The following LRFN5 variants were observed in gnomAD, a reference collection of about 807,000 sequenced individuals.
LRFN5 encodes the protein leucine rich repeat and fibronectin type III domain containing 5, also known as leucine-rich repeat and fibronectin type-III domain-containing protein 5.
A neutral mutation model predicts 45.6 loss-of-function variants in LRFN5; 24 were observed. The ratio of observed to expected loss-of-function variants is 0.53; its 90% CI spans 0.38 to 0.74. LRFN5 has a LOEUF of 0.74. Among genes scored for constraint, LRFN5 ranks in the 30% least tolerant of loss-of-function variants. The probability of loss-of-function intolerance (pLI) is 0.00; values close to 1 mark genes in which losing one functional copy is unlikely to be tolerated. For missense variants in LRFN5, 776 were observed against 861.5 expected (o/e 0.90, Z 1.24); for synonymous variants, 340 against 313.8 (o/e 1.08, Z -0.88).
chr14:41,890,095 C>T (rs2415693), intron 3 of LRFN5, among the ~76,000 whole-genome samples: 35,523 of 152,020 alleles, frequency 0.23, 5,034 homozygotes, highest in Middle Eastern at 0.38. Flanking sequence ...AACTCCTGAC[C>T]TCAGTTGATC....
At chr14:41,773,958 G>C (rs1886184804) in intron 2 of LRFN5, among the ~76,000 whole-genome samples, 1 of 152,176 alleles carries the variant, frequency 6.6e-6, no homozygotes, top group Non-Finnish European at 1.5e-5. Context: ...GGCAGTACTT[G>C]ATATAGAGGA....
intron 2 of LRFN5, among the ~76,000 whole-genome samples, chr14:41,854,259 T>A (rs1265677164): frequency 1.3e-5 from 2 of 152,154 alleles, no homozygotes; most frequent in Non-Finnish European, 1.5e-5. Context: ...AGAATTATGG[T>A]TTCCAGCTTC....
At chr14:41,730,878 G>A (rs1487048917) in intron 1 of LRFN5, among the ~76,000 whole-genome samples, 2 of 151,762 alleles carry the variant, frequency 1.3e-5, no homozygotes, top group African/African-American at 4.8e-5. Flanking sequence ...TCCGATCATT[G>A]GTAATGTCTT....
At chr14:41,879,592 T>C (rs1890303431) in intron 2 of LRFN5, among the ~76,000 whole-genome samples, 1 of 151,350 alleles carries the variant, frequency 6.6e-6, no homozygotes, top group Non-Finnish European at 1.5e-5. Flanking sequence ...ACTGATATGC[T>C]ATATATTTAT....
At chr14:41,692,662 G>A (rs1391756529) in intron 1 of LRFN5, among the ~76,000 whole-genome samples, 4 of 152,120 alleles carry the variant, frequency 2.6e-5, no homozygotes, top group Middle Eastern at 3.4e-3. Flanking sequence ...GAGAACATGC[G>A]GTGTTTGGTT....
intron 1 of LRFN5, among the ~76,000 whole-genome samples, chr14:41,646,384 G>T (rs1485159299): frequency 6.6e-6 from 1 of 152,040 alleles, no homozygotes; most frequent in Non-Finnish European, 1.5e-5. Context: ...TTCAGCTCCT[G>T]GTACTATCCT....
chr14:41,779,879 G>A (rs1244106803), intron 2 of LRFN5, among the ~76,000 whole-genome samples: 1 of 151,700 alleles, frequency 6.6e-6, no homozygotes, highest in African/African-American at 2.4e-5. Flanking sequence ...TGGTTAGTCT[G>A]GCTAGAAGTT....
At chr14:41,771,473 G>T (rs75403526) in intron 2 of LRFN5, among the ~76,000 whole-genome samples, 1,928 of 151,884 alleles carry the variant, frequency 0.013, 11 homozygotes, top group Middle Eastern at 0.034. Context: ...TCATTTATTT[G>T]CTCCTGTATA....
chr14:41,668,183 C>T (rs1880996711), intron 1 of LRFN5, among the ~76,000 whole-genome samples: 1 of 151,842 alleles, frequency 6.6e-6, no homozygotes. Context: ...AATATTACTG[C>T]AGTTTGCATC....
chr14:41,633,761 A>T (rs966348974), intron 1 of LRFN5, among the ~76,000 whole-genome samples: 1 of 152,180 alleles, frequency 6.6e-6, no homozygotes, highest in Non-Finnish European at 1.5e-5. Context: ...AGAAAATTTT[A>T]AAAAACAGTA....
intron 2 of LRFN5, among the ~76,000 whole-genome samples, chr14:41,817,130 G>A (rs1217584371): frequency 6.7e-6 from 1 of 149,882 alleles, no homozygotes; most frequent in Non-Finnish European, 1.5e-5. Flanking sequence ...ATTTATGTTT[G>A]TTTCTTTATT....
intron 1 of LRFN5, among the ~76,000 whole-genome samples, chr14:41,765,364 A>G (rs919677242): frequency 3.3e-5 from 5 of 151,990 alleles, no homozygotes; most frequent in African/African-American, 1.2e-4. Flanking sequence ...GGAAAAAAAA[A>G]AAAAAAAAAC....
chr14:41,807,516 A>T (rs1176869470), intron 2 of LRFN5, among the ~76,000 whole-genome samples: 1 of 152,124 alleles, frequency 6.6e-6, no homozygotes, highest in Non-Finnish European at 1.5e-5. Flanking sequence ...TTTCATACAC[A>T]TCTACTGAAT....
intron 1 of LRFN5, among the ~76,000 whole-genome samples, chr14:41,735,264 A>G (rs1884374507): frequency 6.6e-6 from 1 of 151,546 alleles, no homozygotes; most frequent in Non-Finnish European, 1.5e-5. Context: ...CTTTATTTTT[A>G]TTTTTATTTT....
At chr14:41,863,616 G>A (rs987664537) in intron 2 of LRFN5, among the ~76,000 whole-genome samples, 12 of 152,132 alleles carry the variant, frequency 7.9e-5, no homozygotes, top group Non-Finnish European at 1.2e-4. Context: ...TAATTGCACT[G>A]CAGTATAAAT....
intron 1 of LRFN5, among the ~76,000 whole-genome samples, chr14:41,646,479 A>G (rs1184787215): frequency 6.6e-6 from 1 of 152,148 alleles, no homozygotes; most frequent in Non-Finnish European, 1.5e-5. Context: ...TCCCCAGACA[A>G]GGGAGAAGTC....
chr14:41,889,012 T>TATATACACATGTATATATAC (rs3032301), intron 3 of LRFN5, among the ~76,000 whole-genome samples: 116 of 149,806 alleles, frequency 7.7e-4, no homozygotes, highest in African/African-American at 2.2e-3. Flanking sequence ...CATATATATA[T>TATATACACATGTATATATAC]GTGTGTGTAT....
intron 2 of LRFN5, among the ~76,000 whole-genome samples, chr14:41,830,887 T>G (rs548802456): frequency 7.2e-5 from 11 of 152,264 alleles, no homozygotes; most frequent in African/African-American, 2.6e-4. Context: ...TTGCCTCTTC[T>G]CTCATCTGAC....
In LRFN5 at chr14:41,886,965, A is replaced by G; in HGVS notation, c.340A>G (p.Ile114Val). Reference sequence around the variant, plus strand: ...TTTGAATAGCAACAGATTGACTAAAATTACAAATGATATGTTCAGTGGTCT... The same window carrying G: ...TTTGAATAGCAACAGATTGACTAAAGTTACAAATGATATGTTCAGTGGTCT... Reference protein sequence around the residue: ...LHLNSNRLTKITNDMFSGLSN... With the variant: ...LHLNSNRLTKVTNDMFSGLSN... The change falls in exon 3 of 6, where the codon ATT becomes GTT. Residue 114 changes from isoleucine (I) to valine (V), a missense_variant. By Grantham distance (29) the Ile-to-Val change is conservative (BLOSUM62 3). Around this residue, in one of 2 missense-constraint regions of LRFN5, gnomAD observed 311 missense variants for 405.1 expected, o/e 0.77. Coordinates refer to ENST00000298119, the MANE Select transcript of LRFN5 (RefSeq NM_152447.5). 1 of 1,614,214 alleles carries G rather than the reference A, an allele frequency of 6.2e-7. No individual in the cohort carries two copies. The highest frequency in any genetic ancestry group is 8.5e-7 in the Non-Finnish European group (1 of 1,180,034).
Sources: allele counts gnomAD v4.1 joint callset (sites outside exome capture counted in the v4.1 genomes callset), GRCh38; gene constraint gnomAD v4.1.1; regional missense constraint gnomAD v4.1.1; transcripts MANE v1.5; gene names NCBI Gene and HGNC (gene_info 2026-07-23, HGNC 2026-07-21).